R3HDM1: variants seen among roughly 807,000 people sequenced by gnomAD.
The protein encoded by R3HDM1 is R3H domain-containing protein 1.
In R3HDM1, 46 loss-of-function variants were observed where a neutral mutation model predicts 141.1. The ratio of observed to expected loss-of-function variants is 0.33; its 90% CI spans 0.26 to 0.42. The LOEUF (loss-of-function observed/expected upper bound fraction) is 0.42. Among genes scored for constraint, R3HDM1 ranks in the 10% least tolerant of loss-of-function variants. The probability of loss-of-function intolerance (pLI) is 1.00; values close to 1 mark genes in which losing one functional copy is unlikely to be tolerated. For synonymous variants in R3HDM1, 435 were observed against 472.9 expected (o/e 0.92, Z 1.04); for missense variants, 1,184 against 1,368.3 (o/e 0.87, Z 2.12).
chr2:135,625,176 A>C (rs1257049260), intron 7 of R3HDM1, among the ~76,000 whole-genome samples: 2 of 152,238 alleles, frequency 1.3e-5, no homozygotes, highest in African/African-American at 2.4e-5. Context: ...GGGGCCCTGC[A>C]CAATGATTCA....
intron 18 of R3HDM1, among the ~76,000 whole-genome samples, chr2:135,660,308 G>T (rs2066523725): frequency 6.6e-6 from 1 of 152,038 alleles, no homozygotes; most frequent in South Asian, 2.1e-4. Context: ...TTGGGATAGG[G>T]CCCAAAGTCT....
chr2:135,698,592 T>C (rs1197905657), intron 21 of R3HDM1, among the ~76,000 whole-genome samples: 1 of 152,214 alleles, frequency 6.6e-6, no homozygotes, highest in Non-Finnish European at 1.5e-5. Context: ...TCGTCTGTTC[T>C]CGCATTGCTA....
At chr2:135,715,747 C>T (rs1330181592) in intron 24 of R3HDM1, 53 bp downstream of exon 24, 1 of 1,552,642 alleles carries the variant, frequency 6.4e-7, no homozygotes, top group East Asian at 2.3e-5. Context: ...ACATCCATTC[C>T]CAGTCACTTG....
Position 135,722,570 on chromosome 2 carries a change from C to T in R3HDM1, c.3049+17C>T. 6.2e-7 allele frequency: 1 copy of T among 1,606,912 alleles called. No homozygotes were observed. Among genetic ancestry groups the T allele is most frequent in the Non-Finnish European group, 8.5e-7 (1 of 1,176,406 alleles). On this transcript the variant is annotated intron_variant, in intron 26 of 26. Transcript: ENST00000683871. The stretch of plus-strand genomic sequence containing the variant: ...GAGAAACAGGTATGTCTCTGAGGGG[C>T]AACTAGATGTGGGTCTGCAAACTGG...
chr2:135,699,075 T>TAGATAGATAGATAGATAGA lies in R3HDM1; in HGVS notation c.2460-10358_2460-10357insAGATAGATAGATAGATAGA, dbSNP rs1553630332. On this transcript the variant is annotated intron_variant, in intron 21 of 26. Coordinates refer to ENST00000683871, the MANE Select transcript of R3HDM1 (RefSeq NM_001378107.1). ...AGATAAGATAGATTGATTAGATAGA[T>TAGATAGATAGATAGATAGA]TAGATAGATAGATAGATAGATAGAT... is the stretch of plus-strand genomic sequence containing the variant. Among the ~76,000 whole-genome samples, 113 of 132,090 alleles carry TAGATAGATAGATAGATAGA rather than the reference T, an allele frequency of 8.6e-4. 2 individuals carry two copies. Among genetic ancestry groups the TAGATAGATAGATAGATAGA allele is most frequent in the African/African-American group, 2.6e-3 (74 of 29,000 alleles). 86.7% of individuals were successfully genotyped at this position (132,090 alleles called of 152,430 possible).
At chr2:135,715,408 T>G (rs1047038458) in intron 23 of R3HDM1, 142 bp from the exon 24 acceptor site, 87 of 887,614 alleles carry the variant, frequency 9.8e-5, no homozygotes, top group Non-Finnish European at 1.4e-4. Flanking sequence ...CTGTTACCAG[T>G]GTTTATTTTG....
At chr2:135,613,126 A>G (rs929306968) in intron 3 of R3HDM1, among the ~76,000 whole-genome samples, 2 of 152,230 alleles carry the variant, frequency 1.3e-5, no homozygotes, top group Admixed American at 6.5e-5. Context: ...AGTGGGCCCA[A>G]CTGTGTTGTC....
At chr2:135,591,263 G>C (rs1217706403) in intron 1 of R3HDM1, among the ~76,000 whole-genome samples, 1 of 152,144 alleles carries the variant, frequency 6.6e-6, no homozygotes, top group Non-Finnish European at 1.5e-5. Flanking sequence ...GATTTTCATT[G>C]TGACCCTATA....
chr2:135,546,360 T>A (rs985370588), intron 1 of R3HDM1, among the ~76,000 whole-genome samples: 17 of 152,136 alleles, frequency 1.1e-4, no homozygotes, highest in Non-Finnish European at 1.6e-4. Context: ...CTTCCCTTCC[T>A]CTCCACCCTG....
intron 11 of R3HDM1, among the ~76,000 whole-genome samples, chr2:135,637,942 A>G (rs953457211): frequency 1.3e-5 from 2 of 152,218 alleles, no homozygotes; most frequent in Non-Finnish European, 2.9e-5. Flanking sequence ...GACAGCAGCC[A>G]CAGACAATAC....
intron 16 of R3HDM1, chr2:135,649,419 C>T (rs941562379): frequency 6.6e-6 from 1 of 152,106 alleles, no homozygotes; most frequent in South Asian, 2.1e-4. Context: ...TTAATTTCAC[C>T]TTATCAGTAG....
intron 21 of R3HDM1, among the ~76,000 whole-genome samples, chr2:135,691,706 T>C (rs1323751202): frequency 6.6e-6 from 1 of 151,668 alleles, no homozygotes; most frequent in Non-Finnish European, 1.5e-5. Context: ...AGCAGGAGAA[T>C]AGCTTGAACC....
At chr2:135,593,413 A>C (rs917580190) in intron 1 of R3HDM1, among the ~76,000 whole-genome samples, 1 of 152,186 alleles carries the variant, frequency 6.6e-6, no homozygotes, top group Non-Finnish European at 1.5e-5. Flanking sequence ...CATTAACTTC[A>C]GGTTTAGAGT....
At chr2:135,616,613 T>C in intron 4 of R3HDM1, 55 bp from the exon 5 acceptor site, 2 of 1,399,396 alleles carry the variant, frequency 1.4e-6, no homozygotes, top group East Asian at 2.4e-5. Flanking sequence ...AGGGGGCTTT[T>C]GGATATGCCC....
intron 17 of R3HDM1, chr2:135,650,807 G>T: frequency 1.0e-6 from 1 of 984,484 alleles, no homozygotes; most frequent in Non-Finnish European, 1.2e-6. Context: ...AAATCCAGCA[G>T]ATCTAGAAAC....
chr2:135,544,154 A>C (rs1160908000), intron 1 of R3HDM1, among the ~76,000 whole-genome samples: 1 of 152,234 alleles, frequency 6.6e-6, no homozygotes, highest in African/African-American at 2.4e-5. Flanking sequence ...TGCTGTTTTC[A>C]TTCATTTATA....
rs1039017612 is a variant in R3HDM1 at position 135,620,624 on chromosome 2, A to T, written c.304-870A>T. 9 of 979,610 alleles carry T rather than the reference A, an allele frequency of 9.2e-6. No individual in the cohort carries two copies. The African/African-American group carries it at 1.6e-4, about 17-fold the overall frequency. 60.7% of individuals were successfully genotyped at this position (979,610 alleles called of 1,614,324 possible). A position where few individuals can be genotyped will look rare whatever the true frequency, so the allele number is the denominator to read the frequency against. ...TGTCTGATTGATGGTTTTCTTGACT[A>T]TAGAACAACAGTATAATTTAGTCTA... On this transcript the variant is annotated intron_variant, in intron 5 of 26. Transcript: ENST00000683871.
Position 135,642,904 on chromosome 2 carries a change from T to C in R3HDM1, c.1474+1114T>C, listed in dbSNP as rs893425460. ...CAGAAATTCAATTTTTGCTTAGTAATTACCTTCTTATTCTTCAGGTTATTA... is the reference window on the plus strand; with the variant it reads ...CAGAAATTCAATTTTTGCTTAGTAACTACCTTCTTATTCTTCAGGTTATTA... On this transcript the variant is annotated intron_variant, in intron 15 of 26. Transcript: ENST00000683871. Among the ~76,000 whole-genome samples, 7 of 152,210 alleles carry C rather than the reference T, an allele frequency of 4.6e-5. 1 individual carries two copies. The highest frequency in any genetic ancestry group is 1.7e-4 in the African/African-American group (7 of 41,456).
chr2:135,610,970 C>T (rs752208803), intron 3 of R3HDM1, among the ~76,000 whole-genome samples: 1 of 151,768 alleles, frequency 6.6e-6, no homozygotes, highest in Non-Finnish European at 1.5e-5. Flanking sequence ...ATTATTCATG[C>T]GTCACGGTAC....
Sources: gnomAD v4.1 joint callset for allele counts (sites outside exome capture counted in the v4.1 genomes callset) on GRCh38, gnomAD v4.1.1 for gene constraint, MANE v1.5 for transcripts, NCBI Gene and HGNC (gene_info 2026-07-23, HGNC 2026-07-21) for gene names.